Variants in VDR observed in about 807,000 individuals in gnomAD.
The protein encoded by VDR is vitamin D receptor.
A neutral mutation model predicts 39.7 loss-of-function variants in VDR; 19 were observed. That is an observed-to-expected ratio of 0.48 (90% CI 0.33 to 0.70). The LOEUF is 0.70. Among genes scored for constraint, VDR ranks in the 30% least tolerant of loss-of-function variants. The pLI is 0.02. For missense variants in VDR, 442 were observed against 570.5 expected (o/e 0.77, Z 2.29); for synonymous variants, 242 against 215.8 (o/e 1.12, Z -1.07).
At chr12:47,850,843 C>A (rs966484811) in intron 7 of VDR, among the ~76,000 whole-genome samples, 6 of 152,104 alleles carry the variant, frequency 3.9e-5, no homozygotes, top group Non-Finnish European at 7.4e-5. Context: ...TTTCCCACCC[C>A]CACAGGCAGA....
At chr12:47,878,035 TG>T (rs1390014941) in intron 3 of VDR, among the ~76,000 whole-genome samples, 1 of 152,194 alleles carries the variant, frequency 6.6e-6, no homozygotes, top group Non-Finnish European at 1.5e-5. Context: ...TTGAATTCAC[TG>T]TGCCCCCAAG....
chr12:47,878,092 C>T (rs1335137807), intron 3 of VDR, among the ~76,000 whole-genome samples: 1 of 152,232 alleles, frequency 6.6e-6, no homozygotes, highest in Non-Finnish European at 1.5e-5. Context: ...CCGACCTCAG[C>T]ATCCTCCTCT....
In VDR at chr12:47,844,094, C is replaced by G. The variant is rs1186610779; in HGVS notation, c.*652G>C. ...GGAACTGTGAGCTTGGTGACAGGGA[C>G]AGCTGTCATATTCTTCTGTGAGGCT... is the stretch of plus-strand genomic sequence containing the variant. On this transcript the variant is annotated 3_prime_UTR_variant, in exon 10 of 10. Transcript: ENST00000549336. 6.4e-6 allele frequency: 1 copy of G among 156,690 alleles called. No individual in the cohort carries two copies. Among genetic ancestry groups the G allele is most frequent in the Non-Finnish European group, 1.4e-5 (1 of 70,722 alleles). The allele number at this position is 156,690 out of a possible 1,614,324, so 9.7% of individuals were successfully genotyped here.
At chr12:47,852,872 G>A (rs1157162390) in intron 7 of VDR, among the ~76,000 whole-genome samples, 4 of 152,098 alleles carry the variant, frequency 2.6e-5, no homozygotes, top group Admixed American at 6.6e-5. Context: ...ATCCAGAGCC[G>A]GCAATGTTAA....
chr12:47,866,398 G>A (rs374616435), intron 3 of VDR, among the ~76,000 whole-genome samples: 5 of 152,320 alleles, frequency 3.3e-5, no homozygotes, highest in East Asian at 1.9e-4. Flanking sequence ...CCTGGCCGAA[G>A]AAACCTTTTT....
At chr12:47,853,335 C>T (rs1460727696) in intron 7 of VDR, among the ~76,000 whole-genome samples, 3 of 151,464 alleles carry the variant, frequency 2.0e-5, no homozygotes, top group Admixed American at 6.6e-5. Context: ...CCCAGCTACT[C>T]GGGAGACTGA....
rs746128447 is a variant in VDR at position 47,846,667 on chromosome 12, G to A, written c.897C>T (p.Asp299=). The A allele has an allele frequency of 1.8e-5, 29 of 1,613,622 alleles. No individual in the cohort carries two copies. Among genetic ancestry groups the A allele is most frequent in the African/African-American group, 4.0e-5 (3 of 74,902 alleles). The change falls in exon 8 of 10, where the codon GAC becomes GAT. Residue 299 remains aspartate, a synonymous_variant. Coordinates refer to ENST00000549336, the MANE Select transcript of VDR (RefSeq NM_000376.3). The stretch of plus-strand genomic sequence containing the variant: ...GGAGTCTAGGCATACCTTTGGTCAC[G>A]TCACTGACGCGGTACTTGTAGTCTT... The part of the protein sequence containing the change: ...GNQDYKYRVS[D]VTKAGHSLEL...
At chr12:47,887,448 G>A (rs1946279547) in intron 1 of VDR, among the ~76,000 whole-genome samples, 1 of 150,416 alleles carries the variant, frequency 6.6e-6, no homozygotes, top group Non-Finnish European at 1.5e-5. Flanking sequence ...CCATCAGTCA[G>A]AAAATTATAA....
intron 3 of VDR, among the ~76,000 whole-genome samples, chr12:47,867,958 A>T (rs967742321): frequency 8.6e-5 from 13 of 151,634 alleles, no homozygotes; most frequent in Non-Finnish European, 1.8e-4. Context: ...AGACCAGAGT[A>T]GGGCTCTACT....
At chr12:47,869,154 A>G (rs1163489799) in intron 3 of VDR, among the ~76,000 whole-genome samples, 2 of 152,188 alleles carry the variant, frequency 1.3e-5, no homozygotes, top group African/African-American at 2.4e-5. Flanking sequence ...CACTTTAAAT[A>G]TGAAGCTCCA....
intron 1 of VDR, chr12:47,901,043 A>G (rs1406942772): frequency 6.5e-6 from 1 of 154,708 alleles, no homozygotes; most frequent in Non-Finnish European, 1.5e-5. Flanking sequence ...CTATTCACCA[A>G]CCAGACACCC....
intron 4 of VDR, among the ~76,000 whole-genome samples, chr12:47,859,928 T>A (rs867241119): frequency 1.3e-5 from 1 of 79,268 alleles, no homozygotes; most frequent in Non-Finnish European, 2.5e-5. Context: ...TTTCTTTTTC[T>A]TTCTTTCTTT....
At chr12:47,845,970 T>C (rs1945271474) in intron 9 of VDR, among the ~76,000 whole-genome samples, 1 of 152,252 alleles carries the variant, frequency 6.6e-6, no homozygotes, top group Admixed American at 6.5e-5. Context: ...TCCAAAGTTT[T>C]GTACCCTGCC....
chr12:47,868,001 C>T (rs1945773525), intron 3 of VDR, among the ~76,000 whole-genome samples: 1 of 152,200 alleles, frequency 6.6e-6, no homozygotes, highest in Non-Finnish European at 1.5e-5. Flanking sequence ...CTCTTAGATC[C>T]ACAGAGGGCC....
intron 7 of VDR, among the ~76,000 whole-genome samples, chr12:47,853,179 A>C (rs1945419103): frequency 6.6e-6 from 1 of 152,220 alleles, no homozygotes; most frequent in African/African-American, 2.4e-5. Flanking sequence ...GCAGTGGCTC[A>C]TGCCTGTAAT....
chr12:47,877,914 A>G (rs995585547), intron 3 of VDR, among the ~76,000 whole-genome samples: 2 of 152,232 alleles, frequency 1.3e-5, no homozygotes, highest in African/African-American at 4.8e-5. Context: ...GCTCAAGGCC[A>G]TGAAACTCTG....
rs1216315604 is a variant in VDR at position 47,843,992 on chromosome 12, G to A, written c.*754C>T. The stretch of plus-strand genomic sequence containing the variant: ...GTCGGCAGGTGCTTTTCTGCAAACT[G>A]GGGACAATTCAGTCCTGCTACATGG... On this transcript the variant is annotated 3_prime_UTR_variant, in exon 10 of 10. Transcript: ENST00000549336. 1 of 152,478 alleles carries A rather than the reference G, an allele frequency of 6.6e-6. No homozygotes were observed. Among genetic ancestry groups the A allele is most frequent in the Non-Finnish European group, 1.5e-5 (1 of 68,258 alleles). The allele number at this position is 152,478 out of a possible 1,614,324, so 9.4% of individuals were successfully genotyped here.
At chr12:47,882,608 C>G (rs1946172759) in intron 2 of VDR, 86 bp downstream of exon 2, 2 of 1,207,458 alleles carry the variant, frequency 1.7e-6, no homozygotes, top group Admixed American at 2.3e-5. Context: ...CTTCCCCTGC[C>G]CACCACCTTC....
chr12:47,879,157 G>C lies in VDR; in HGVS notation c.-2-42C>G, dbSNP rs201110362. 1.9e-6 allele frequency: 3 copies of C among 1,600,888 alleles called. No homozygotes were observed. The South Asian group carries it at 3.3e-5, about 18-fold the overall frequency. On this transcript the variant is annotated intron_variant, in intron 2 of 9. Transcript: ENST00000549336. ...CAGGCCACGGTCAGAGCCAGAGTCA[G>C]TGCCAGGGCCAGCTGGCATCCTTGG...
Sources: allele counts gnomAD v4.1 joint callset (sites outside exome capture counted in the v4.1 genomes callset), GRCh38; gene constraint gnomAD v4.1.1; transcripts MANE v1.5; gene names NCBI Gene and HGNC (gene_info 2026-07-23, HGNC 2026-07-21).